Variants in NLRC5 observed in about 807,000 individuals in gnomAD.
The protein encoded by NLRC5 is protein NLRC5.
NLRC5 carries 114 observed loss-of-function variants against 206.9 expected under a neutral mutation model. The observed-to-expected ratio is 0.55, with a 90% confidence interval of 0.47 to 0.64. The LOEUF is 0.64. Among genes scored for constraint, NLRC5 ranks in the 30% least tolerant of loss-of-function variants. NLRC5 has a pLI of 0.00. For missense variants in NLRC5, 2,008 were observed against 2,305.5 expected (o/e 0.87, Z 2.64); for synonymous variants, 952 against 962.8 (o/e 0.99, Z 0.21).
At chr16:57,057,595 T>C (rs2065849076) in intron 27 of NLRC5, among the ~76,000 whole-genome samples, 1 of 152,210 alleles carries the variant, frequency 6.6e-6, no homozygotes, top group African/African-American at 2.4e-5. Flanking sequence ...TCAAAAACTG[T>C]GGATCCCAAA....
chr16:57,041,671 T>G, intron 18 of NLRC5, 97 bp downstream of exon 18: 1 of 963,278 alleles, frequency 1.0e-6, no homozygotes. Flanking sequence ...AGATCAACTG[T>G]TCTTTCCCTG....
At chr16:57,061,358 C>T (rs2066453743) in intron 30 of NLRC5, 90 bp from the exon 31 acceptor site, 2 of 1,302,716 alleles carry the variant, frequency 1.5e-6, no homozygotes, top group Non-Finnish European at 2.1e-6. Flanking sequence ...TGGGATGCTC[C>T]CCCAATAGGC....
rs1489633941 is a variant in NLRC5, at chr16:57,066,744, G to A, written c.4322+130G>A. 7 of 802,642 alleles carry A rather than the reference G, an allele frequency of 8.7e-6. No homozygotes were observed. In the African/African-American group the frequency reaches 1.0e-4, roughly 12 times the overall value. 49.7% of individuals were successfully genotyped at this position (802,642 alleles called of 1,614,324 possible). A position where few individuals can be genotyped will look rare whatever the true frequency, so the allele number is the denominator to read the frequency against. ...CGAAGTCTTTACACAGGCTACAGAG[G>A]TCTGACCAACCCACTTCTGAGGCGT... On this transcript the variant is annotated intron_variant, in intron 34 of 48. Transcript: ENST00000688547.
chr16:57,006,689 G>T, intron 1 of NLRC5, among the ~76,000 whole-genome samples: 2 of 151,176 alleles, frequency 1.3e-5, no homozygotes, highest in Admixed American at 6.6e-5. Context: ...AATATCCCTG[G>T]GCATATTATT....
At chr16:57,073,473 T>C (rs2068016740) in intron 38 of NLRC5, among the ~76,000 whole-genome samples, 2 of 152,222 alleles carry the variant, frequency 1.3e-5, no homozygotes, top group Non-Finnish European at 2.9e-5. Flanking sequence ...GTGGGGTAAC[T>C]GACACTTCCA....
chr16:57,072,795 G>A (rs372847076), intron 38 of NLRC5, among the ~76,000 whole-genome samples: 4 of 152,210 alleles, frequency 2.6e-5, no homozygotes, highest in African/African-American at 7.2e-5. Context: ...TCTGTTGAAC[G>A]GTTTGTGAAT....
chr16:57,077,113 C>T (rs1189886004), intron 40 of NLRC5, among the ~76,000 whole-genome samples, 183 bp from the exon 41 acceptor site: 2 of 152,200 alleles, frequency 1.3e-5, no homozygotes, highest in Non-Finnish European at 2.9e-5. Flanking sequence ...TTAGGTCAGA[C>T]AATGGGGAGA....
chr16:56,993,781 T>C (rs1299593976), intron 1 of NLRC5, among the ~76,000 whole-genome samples: 1 of 152,206 alleles, frequency 6.6e-6, no homozygotes, highest in Non-Finnish European at 1.5e-5. Flanking sequence ...TTTTTCCTGT[T>C]GAGTTGTAAA....
intron 1 of NLRC5, among the ~76,000 whole-genome samples, chr16:56,999,799 A>G (rs1453549823): frequency 1.3e-5 from 2 of 152,228 alleles, no homozygotes; most frequent in Non-Finnish European, 2.9e-5. Flanking sequence ...TCAGAGGACA[A>G]GAATCACTCA....
chr16:57,040,576 G>A (rs2063154865), intron 16 of NLRC5, 74 bp from the exon 17 acceptor site: 4 of 1,458,874 alleles, frequency 2.7e-6, no homozygotes, highest in Non-Finnish European at 3.8e-6. Flanking sequence ...ATGGTGGAAG[G>A]CCAGGCTGAG....
chr16:57,051,469 G>T (rs2064890906), intron 23 of NLRC5, 69 bp from the exon 24 acceptor site: 2 of 1,150,646 alleles, frequency 1.7e-6, no homozygotes, highest in African/African-American at 3.0e-5. Context: ...GAAGGCTCTG[G>T]CTATGAGGCC....
chr16:57,067,722 T>G lies in NLRC5; in HGVS notation c.4407-14T>G, dbSNP rs1336405099. 1 of 1,612,278 alleles carries G rather than the reference T, an allele frequency of 6.2e-7. No individual in the cohort carries two copies. The highest frequency in any genetic ancestry group is 1.1e-5 in the South Asian group (1 of 91,042). On this transcript the variant is annotated splice_polypyrimidine_tract_variant and intron_variant, in intron 35 of 48. Coordinates refer to ENST00000688547, the MANE Select transcript of NLRC5 (RefSeq NM_001384950.1). Reference sequence around the variant, plus strand: ...CAGCCTGAAATCCTCTAGAATATCCTTGGACCTTTTCAGCTTGTCTCAGGT... The same window carrying G: ...CAGCCTGAAATCCTCTAGAATATCCGTGGACCTTTTCAGCTTGTCTCAGGT...
chr16:57,045,395 A>T, intron 20 of NLRC5, 53 bp from the exon 21 acceptor site: 3 of 1,603,796 alleles, frequency 1.9e-6, no homozygotes, highest in Non-Finnish European at 2.6e-6. Context: ...TGCCACTGCC[A>T]GGGAAGTTGG....
At chr16:57,002,650 T>G (rs2058407253) in intron 1 of NLRC5, among the ~76,000 whole-genome samples, 1 of 146,086 alleles carries the variant, frequency 6.8e-6, no homozygotes, top group African/African-American at 2.5e-5. Context: ...TTTTTGTTTT[T>G]TTTTTTTTTT....
intron 37 of NLRC5, 75 bp downstream of exon 37, chr16:57,069,994 T>G: frequency 8.0e-7 from 1 of 1,247,476 alleles, no homozygotes; most frequent in Non-Finnish European, 1.1e-6. Context: ...AGCAGGGCGT[T>G]TGGGAGGGCA....
chr16:56,989,778 G>A (rs2056570637), intron 1 of NLRC5, among the ~76,000 whole-genome samples, 161 bp downstream of exon 1: 1 of 152,186 alleles, frequency 6.6e-6, no homozygotes. Flanking sequence ...GGATAGCTGG[G>A]TAAGCGGACA....
chr16:57,032,704 T>A (rs775279244), intron 11 of NLRC5, among the ~76,000 whole-genome samples: 6 of 151,794 alleles, frequency 4.0e-5, no homozygotes, highest in Non-Finnish European at 7.4e-5. Flanking sequence ...TGCAGAAAGT[T>A]CTATTAAACA....
rs142902916 is a variant in NLRC5, at chr16:57,068,018, C to T, written c.4499+190C>T. 5.9e-5 allele frequency among the ~76,000 whole-genome samples: 9 copies of T among 152,268 alleles called. No individual in the cohort carries two copies. In the East Asian group the frequency reaches 1.7e-3, roughly 29 times the overall value. On this transcript the variant is annotated intron_variant, in intron 36 of 48. Coordinates refer to ENST00000688547, the MANE Select transcript of NLRC5 (RefSeq NM_001384950.1). Reference sequence around the variant, plus strand: ...AAACATGACCTTAGGAACATTGAGCCACATGGCAAGAAAGTTGTTCCCTTT... The same window carrying T: ...AAACATGACCTTAGGAACATTGAGCTACATGGCAAGAAAGTTGTTCCCTTT...
chr16:57,046,485 A>G, intron 21 of NLRC5, 67 bp from the exon 22 acceptor site: 2 of 1,314,206 alleles, frequency 1.5e-6, no homozygotes, highest in South Asian at 2.4e-5. Context: ...TCCTAGGGGT[A>G]TATGGGCTGG....
Sources: gnomAD v4.1 joint callset for allele counts (sites outside exome capture counted in the v4.1 genomes callset) on GRCh38, gnomAD v4.1.1 for gene constraint, MANE v1.5 for transcripts, NCBI Gene and HGNC (gene_info 2026-07-23, HGNC 2026-07-21) for gene names.